The following NDFIP2 variants were observed in gnomAD, a reference collection of about 807,000 sequenced individuals.
The protein encoded by NDFIP2 is Nedd4 family interacting protein 2, also known as NEDD4 family-interacting protein 2.
Under a neutral mutation model 36.0 loss-of-function variants are expected in NDFIP2, and 19 were observed. The observed-to-expected ratio is 0.53, with a 90% CI of 0.37 to 0.77. The LOEUF (loss-of-function observed/expected upper bound fraction) is 0.77, where lower values mean the gene tolerates loss of function less well. Ranked by LOEUF, NDFIP2 falls within the 30% of genes least tolerant of loss-of-function variation. The pLI, the probability that NDFIP2 is intolerant of heterozygous loss-of-function variation, is 0.00. For synonymous variants in NDFIP2, 181 were observed against 167.7 expected (o/e 1.08, Z -0.61); for missense variants, 446 against 435.8 (o/e 1.02, Z -0.21).
chr13:79,519,609 T>C (rs934350771), intron 1 of NDFIP2, among the ~76,000 whole-genome samples: 1 of 152,222 alleles, frequency 6.6e-6, no homozygotes, highest in Non-Finnish European at 1.5e-5. Flanking sequence ...TTCCTTTTAT[T>C]GGTGATAATA....
At chr13:79,543,323 A>G (rs1046602044) in intron 4 of NDFIP2, among the ~76,000 whole-genome samples, 3 of 152,214 alleles carry the variant, frequency 2.0e-5, no homozygotes, top group African/African-American at 2.4e-5. Flanking sequence ...GCTTTCAGGA[A>G]TGGATTCCTG....
intron 2 of NDFIP2, among the ~76,000 whole-genome samples, chr13:79,532,724 C>T (rs747728861): frequency 2.0e-5 from 3 of 152,082 alleles, no homozygotes; most frequent in East Asian, 1.9e-4. Flanking sequence ...AGATTAGAGC[C>T]GTTGCTGAAA....
chr13:79,552,583 C>CT lies in NDFIP2; in HGVS notation c.*73dup, dbSNP rs1177917804. On this transcript the variant is annotated 3_prime_UTR_variant, in exon 8 of 8. Transcript: ENST00000218652. ...TTCCAGATCATCTGTAAACCTACAA[C>CT]TTTAATAGAAGACTACTAATAACAG... is the stretch of plus-strand genomic sequence containing the variant. The CT allele has an allele frequency of 6.6e-6, 1 of 151,848 alleles. No individual in the cohort carries two copies. Among genetic ancestry groups the CT allele is most frequent in the African/African-American group, 2.4e-5 (1 of 41,382 alleles). 9.4% of individuals were successfully genotyped at this position (151,848 alleles called of 1,614,324 possible).
chr13:79,507,000 G>A (rs986836288), intron 1 of NDFIP2, among the ~76,000 whole-genome samples: 2 of 151,968 alleles, frequency 1.3e-5, no homozygotes, highest in African/African-American at 4.8e-5. Context: ...TTTTAAAACT[G>A]CATGTTTAAA....
chr13:79,555,521 A>G lies in NDFIP2; in HGVS notation c.*3008A>G, dbSNP rs1212548646. The G allele has an allele frequency of 1.3e-5, 2 of 151,888 alleles. No individual in the cohort carries two copies. The highest frequency in any genetic ancestry group is 3.9e-4 in the East Asian group (2 of 5,186). 9.4% of individuals were successfully genotyped at this position (151,888 alleles called of 1,614,324 possible). A position where few individuals can be genotyped will look rare whatever the true frequency, so the allele number is the denominator to read the frequency against. On this transcript the variant is annotated 3_prime_UTR_variant, in exon 8 of 8. Coordinates refer to ENST00000218652, the MANE Select transcript of NDFIP2 (RefSeq NM_019080.3). ...ACTGGGGTAAGGGCAGGAGCCAGTT[A>G]TTATTGCCACAGTGTTTTCTAATGA...
chr13:79,490,529 T>C (rs1194016035), intron 1 of NDFIP2, among the ~76,000 whole-genome samples: 2 of 152,156 alleles, frequency 1.3e-5, no homozygotes, highest in African/African-American at 2.4e-5. Flanking sequence ...TTATAGGCCA[T>C]GTGGTCTCTG....
chr13:79,487,520 G>A (rs1366500640), intron 1 of NDFIP2, among the ~76,000 whole-genome samples: 1 of 152,068 alleles, frequency 6.6e-6, no homozygotes, highest in East Asian at 1.9e-4. Context: ...GAATATTCTT[G>A]TACAAATCTT....
intron 1 of NDFIP2, among the ~76,000 whole-genome samples, chr13:79,483,547 C>T (rs748365419): frequency 4.6e-5 from 7 of 152,092 alleles, no homozygotes; most frequent in Non-Finnish European, 1.0e-4. Flanking sequence ...CAATAAACCA[C>T]TTGAGTTGTT....
chr13:79,488,714 G>T (rs947204742), intron 1 of NDFIP2, among the ~76,000 whole-genome samples: 4 of 152,166 alleles, frequency 2.6e-5, no homozygotes, highest in South Asian at 2.1e-4. Flanking sequence ...TGTTTTAGGT[G>T]TTGGTTAATA....
intron 1 of NDFIP2, among the ~76,000 whole-genome samples, chr13:79,483,887 G>T (rs1266140655): frequency 6.6e-6 from 1 of 152,166 alleles, no homozygotes; most frequent in Non-Finnish European, 1.5e-5. Flanking sequence ...GGTATGACAC[G>T]TAATTTTATG....
chr13:79,548,288 G>A (rs766490854), intron 5 of NDFIP2, 40 bp from the exon 6 acceptor site: 2 of 1,304,246 alleles, frequency 1.5e-6, no homozygotes, highest in South Asian at 1.3e-5. Flanking sequence ...TCAAATTCAG[G>A]TGTATGAATT....
chr13:79,510,649 G>T (rs2140754733), intron 1 of NDFIP2, among the ~76,000 whole-genome samples: 1 of 152,100 alleles, frequency 6.6e-6, no homozygotes, highest in Non-Finnish European at 1.5e-5. Flanking sequence ...GGTTATAGTG[G>T]CAAAACAGGT....
At position 79,500,644 on chromosome 13, in the gene NDFIP2, A is replaced by G. The variant is rs188359833; in HGVS notation, c.321+19120A>G. 6.0e-4 allele frequency among the ~76,000 whole-genome samples: 92 copies of G among 152,160 alleles called. No homozygotes were observed. The South Asian group carries it at 8.1e-3, about 13-fold the overall frequency. ...CTACATACCTGTTACGATGGCCCAA[A>G]TTCAGAACGCTGACAACAACAGATT... On this transcript the variant is annotated intron_variant, in intron 1 of 7. Transcript: ENST00000218652.
chr13:79,545,002 A>G (rs180924009), intron 5 of NDFIP2, among the ~76,000 whole-genome samples: 119 of 152,276 alleles, frequency 7.8e-4, no homozygotes, highest in Non-Finnish European at 1.4e-3. Context: ...TTCCTAACAC[A>G]AGTATAAATC....
chr13:79,495,450 G>A (rs1272614631), intron 1 of NDFIP2, among the ~76,000 whole-genome samples: 2 of 151,796 alleles, frequency 1.3e-5, no homozygotes, highest in East Asian at 1.9e-4. Context: ...TATTAATAAA[G>A]CCTTCTTATT....
intron 1 of NDFIP2, among the ~76,000 whole-genome samples, chr13:79,511,837 T>C (rs1874094075): frequency 6.6e-6 from 1 of 152,196 alleles, no homozygotes; most frequent in Non-Finnish European, 1.5e-5. Flanking sequence ...GAGGTGTCCC[T>C]AAGACCCCAG....
At chr13:79,526,101 A>G (rs987634682) in intron 2 of NDFIP2, among the ~76,000 whole-genome samples, 2 of 152,172 alleles carry the variant, frequency 1.3e-5, no homozygotes, top group African/African-American at 4.8e-5. Context: ...TAGTATGACT[A>G]AGGTGCTGGT....
At chr13:79,519,926 G>A (rs556209385) in intron 1 of NDFIP2, among the ~76,000 whole-genome samples, 2 of 152,100 alleles carry the variant, frequency 1.3e-5, no homozygotes, top group African/African-American at 2.4e-5. Flanking sequence ...TCAGCCACCC[G>A]AGTAGCTGGG....
chr13:79,500,420 TG>T (rs1873612958), intron 1 of NDFIP2, among the ~76,000 whole-genome samples: 1 of 152,006 alleles, frequency 6.6e-6, no homozygotes, highest in Non-Finnish European at 1.5e-5. Context: ...AGTCACAGCC[TG>T]GGAGAAAATC....
Sources: allele counts gnomAD v4.1 joint callset (sites outside exome capture counted in the v4.1 genomes callset), GRCh38; gene constraint gnomAD v4.1.1; transcripts MANE v1.5; gene names NCBI Gene and HGNC (gene_info 2026-07-23, HGNC 2026-07-21).